Variants in NCOA1 observed in about 807,000 individuals in gnomAD.
NCOA1 encodes the protein Hin-2 protein.
Under a neutral mutation model 150.9 loss-of-function variants are expected in NCOA1, and 35 were observed. The ratio of observed to expected loss-of-function variants is 0.23; its 90% CI spans 0.18 to 0.31. NCOA1 has a LOEUF of 0.31. NCOA1 is among the 10% of genes least tolerant of loss of function. The pLI, the probability that NCOA1 is intolerant of heterozygous loss-of-function variation, is 1.00. For synonymous variants in NCOA1, 590 were observed against 630.0 expected, an observed-to-expected ratio of 0.94 and a Z score of 0.95; for missense variants, 1,491 against 1,749.3, an observed-to-expected ratio of 0.85 and a Z score of 2.63.
chr2:24,684,258 CAAAA>C (rs1301642376), intron 8 of NCOA1, among the ~76,000 whole-genome samples: 1 of 152,098 alleles, frequency 6.6e-6, no homozygotes, highest in Non-Finnish European at 1.5e-5. Flanking sequence ...TATTTTGTAT[CAAAA>C]AAACTAATTT....
At chr2:24,559,650 T>G (rs1430570364) in intron 1 of NCOA1, among the ~76,000 whole-genome samples, 1 of 152,194 alleles carries the variant, frequency 6.6e-6, no homozygotes, top group Non-Finnish European at 1.5e-5. Context: ...GCCTGCCCTT[T>G]CTTCCATGTT....
At chr2:24,628,318 A>G (rs944742474) in intron 3 of NCOA1, among the ~76,000 whole-genome samples, 1 of 142,758 alleles carries the variant, frequency 7.0e-6, no homozygotes, top group Non-Finnish European at 1.6e-5. Flanking sequence ...AAAAAAAAAA[A>G]TCTGTTATGT....
At chr2:24,708,088 A>C (rs1362078502) in intron 13 of NCOA1, among the ~76,000 whole-genome samples, 200 bp downstream of exon 13, 1 of 152,220 alleles carries the variant, frequency 6.6e-6, no homozygotes, top group Non-Finnish European at 1.5e-5. Context: ...CTACAGTTTT[A>C]ATGCAGAATT....
At chr2:24,535,500 A>C (rs1055818704) in intron 1 of NCOA1, among the ~76,000 whole-genome samples, 1 of 152,188 alleles carries the variant, frequency 6.6e-6, no homozygotes, top group Non-Finnish European at 1.5e-5. Flanking sequence ...TTATGATGTT[A>C]GCTGGTTATT....
chr2:24,677,415 T>C (rs2148528527), intron 7 of NCOA1, among the ~76,000 whole-genome samples: 1 of 152,064 alleles, frequency 6.6e-6, no homozygotes, highest in South Asian at 2.1e-4. Flanking sequence ...AGAGGGATGT[T>C]TTTGTTTGGT....
At chr2:24,749,718 A>T (rs1364506573) in intron 19 of NCOA1, among the ~76,000 whole-genome samples, 1 of 152,206 alleles carries the variant, frequency 6.6e-6, no homozygotes, top group Non-Finnish European at 1.5e-5. Context: ...ATTTAAAAGA[A>T]GAGAAAAAAA....
At chr2:24,601,568 A>C (rs1251583531) in intron 3 of NCOA1, among the ~76,000 whole-genome samples, 1 of 149,240 alleles carries the variant, frequency 6.7e-6, no homozygotes, top group Non-Finnish European at 1.5e-5. Flanking sequence ...ATTGATTGGG[A>C]TTACTCTAGA....
intron 19 of NCOA1, among the ~76,000 whole-genome samples, chr2:24,742,629 G>GTTT (rs112367907): frequency 7.3e-6 from 1 of 137,104 alleles, no homozygotes. Flanking sequence ...GCTAATTTTT[G>GTTT]TTTTTTTTTT....
chr2:24,697,813 C>A lies in NCOA1; in HGVS notation c.949+15C>A, dbSNP rs1411139876. On this transcript the variant is annotated intron_variant, in intron 11 of 22. Transcript: ENST00000348332. ...GTTCCAAGAAGGTAAAATTTTCTCTCTCAATTATTTTCATTAACCCTTATC... is the reference window on the plus strand; with the variant it reads ...GTTCCAAGAAGGTAAAATTTTCTCTATCAATTATTTTCATTAACCCTTATC... 6.2e-7 allele frequency: 1 copy of A among 1,608,474 alleles called. No homozygotes were observed. The highest frequency in any genetic ancestry group is 8.5e-7 in the Non-Finnish European group (1 of 1,175,594).
intron 6 of NCOA1, among the ~76,000 whole-genome samples, chr2:24,670,965 T>G (rs1221601862): frequency 2.0e-5 from 3 of 152,220 alleles, no homozygotes; most frequent in Non-Finnish European, 4.4e-5. Context: ...TGTTACAACC[T>G]CTTTGGAGAG....
intron 20 of NCOA1, among the ~76,000 whole-genome samples, 159 bp downstream of exon 20, chr2:24,752,315 G>T (rs59617016): frequency 6.6e-6 from 1 of 152,146 alleles, no homozygotes; most frequent in East Asian, 1.9e-4. Flanking sequence ...ACGTTTCCCC[G>T]TTCCCCCGTT....
intron 17 of NCOA1, among the ~76,000 whole-genome samples, chr2:24,736,119 G>A (rs1208383757): frequency 6.6e-6 from 1 of 151,804 alleles, no homozygotes; most frequent in African/African-American, 2.4e-5. Context: ...CACTTGGGAG[G>A]CTGAGACAAG....
chr2:24,496,169 C>T (rs1009572566), intron 1 of NCOA1, among the ~76,000 whole-genome samples: 6 of 152,158 alleles, frequency 3.9e-5, no homozygotes, highest in African/African-American at 1.4e-4. Context: ...TGCTTGCATG[C>T]ATTTACCTCT....
At chr2:24,544,521 TG>T (rs1418728738) in intron 1 of NCOA1, among the ~76,000 whole-genome samples, 2 of 152,086 alleles carry the variant, frequency 1.3e-5, no homozygotes, top group Non-Finnish European at 2.9e-5. Context: ...GGTGGTGGAT[TG>T]CTTGAGTTCA....
intron 17 of NCOA1, among the ~76,000 whole-genome samples, chr2:24,733,983 G>A (rs1441327377): frequency 3.3e-5 from 5 of 151,926 alleles, no homozygotes; most frequent in African/African-American, 1.2e-4. Context: ...TCAAGAGTTC[G>A]AGACCAGCCT....
In NCOA1 at chr2:24,752,061, T is replaced by G. The variant is rs1664276261; in HGVS notation, c.3786T>G (p.Pro1262=). The G allele has an allele frequency of 1.2e-6, 2 of 1,614,134 alleles. No homozygotes were observed. The highest frequency in any genetic ancestry group is 1.7e-6 in the Non-Finnish European group (2 of 1,180,022). Residue 1262 remains proline (P), a synonymous_variant, in exon 20 of 23, where the codon CCT becomes CCG. Coordinates refer to ENST00000348332, the MANE Select transcript of NCOA1 (RefSeq NM_003743.5). ...GSSMVPMPIP[P]PQSSLLQQTP... Reference sequence around the variant, plus strand: ...CCATGGTGCCGATGCCAATCCCTCCTCCTCAGAGTTCTCTTCTCCAGCAAA... The same window carrying G: ...CCATGGTGCCGATGCCAATCCCTCCGCCTCAGAGTTCTCTTCTCCAGCAAA...
At chr2:24,711,405 A>T (rs914901020) in intron 14 of NCOA1, 1 of 233,682 alleles carries the variant, frequency 4.3e-6, no homozygotes, top group Non-Finnish European at 8.2e-6. Context: ...TCAGAAATAC[A>T]GTATTGGGTC....
Position 24,617,580 on chromosome 2 carries a change from A to T in NCOA1, c.-174-26386A>T, listed in dbSNP as rs577573581. 2.0e-5 allele frequency among the ~76,000 whole-genome samples: 3 copies of T among 152,216 alleles called. No individual in the cohort carries two copies. The South Asian group carries it at 6.2e-4, about 32-fold the overall frequency. ...ACTTCTTTGAAAGTCATCTGAACATATCTTCTTGGGTGTCCTGTTGCCACC... is the reference window on the plus strand; with the variant it reads ...ACTTCTTTGAAAGTCATCTGAACATTTCTTCTTGGGTGTCCTGTTGCCACC... On this transcript the variant is annotated intron_variant, in intron 3 of 22. Transcript: ENST00000348332.
intron 7 of NCOA1, among the ~76,000 whole-genome samples, chr2:24,677,417 T>G (rs1472599972): frequency 6.6e-6 from 1 of 152,020 alleles, no homozygotes; most frequent in East Asian, 1.9e-4. Flanking sequence ...AGGGATGTTT[T>G]TGTTTGGTTG....
Sources: gnomAD v4.1 joint callset for allele counts (sites outside exome capture counted in the v4.1 genomes callset) on GRCh38, gnomAD v4.1.1 for gene constraint, MANE v1.5 for transcripts, NCBI Gene and HGNC (gene_info 2026-07-23, HGNC 2026-07-21) for gene names.